FYN: variants seen among roughly 807,000 people sequenced by gnomAD.
FYN encodes FYN proto-oncogene, Src family tyrosine kinase.
Under a neutral mutation model 70.2 loss-of-function variants are expected in FYN, and 10 were observed. That is an observed-to-expected ratio of 0.14 (90% confidence interval 0.09 to 0.24). The LOEUF (loss-of-function observed/expected upper bound fraction) is 0.24. FYN is among the 10% of genes least tolerant of loss of function. The pLI is 1.00. For missense variants in FYN, 319 were observed against 673.1 expected (o/e 0.47, Z 5.82); for synonymous variants, 236 against 248.6 (o/e 0.95, Z 0.48).
At chr6:111,789,452 T>C (rs1311416481) in intron 2 of FYN, among the ~76,000 whole-genome samples, 1 of 152,198 alleles carries the variant, frequency 6.6e-6, no homozygotes, top group Non-Finnish European at 1.5e-5. Context: ...GTAGTACTGA[T>C]ATCATTTCAT....
chr6:111,662,891 C>T (rs1797820827), intron 13 of FYN, among the ~76,000 whole-genome samples: 1 of 152,150 alleles, frequency 6.6e-6, no homozygotes, highest in African/African-American at 2.4e-5. Flanking sequence ...CCAGGCCATC[C>T]ATCATTTGAG....
intron 3 of FYN, among the ~76,000 whole-genome samples, chr6:111,734,567 C>T (rs1270909175): frequency 6.6e-6 from 1 of 152,172 alleles, no homozygotes; most frequent in East Asian, 1.9e-4. Flanking sequence ...TCTTGACCCT[C>T]CTCCCTCATC....
chr6:111,684,457 C>T (rs1798907076), intron 12 of FYN, among the ~76,000 whole-genome samples: 1 of 152,254 alleles, frequency 6.6e-6, no homozygotes, highest in African/African-American at 2.4e-5. Context: ...GGGGAGTAGG[C>T]TCAGCTACCA....
At chr6:111,764,604 T>A (rs1263911624) in intron 3 of FYN, among the ~76,000 whole-genome samples, 1 of 152,194 alleles carries the variant, frequency 6.6e-6, no homozygotes, top group African/African-American at 2.4e-5. Flanking sequence ...TTTAGTAGAA[T>A]AAGAACTATT....
intron 2 of FYN, among the ~76,000 whole-genome samples, chr6:111,818,971 A>G (rs915851019): frequency 2.0e-5 from 3 of 152,168 alleles, no homozygotes; most frequent in Non-Finnish European, 4.4e-5. Flanking sequence ...AAGCTCACCA[A>G]GCTGCAAAAC....
intron 3 of FYN, among the ~76,000 whole-genome samples, chr6:111,759,664 C>T (rs1802915916): frequency 6.6e-6 from 1 of 152,190 alleles, no homozygotes; most frequent in African/African-American, 2.4e-5. Flanking sequence ...CTCACCCACT[C>T]ATTCAGCACC....
At chr6:111,734,699 C>T (rs574242293) in intron 3 of FYN, among the ~76,000 whole-genome samples, 1 of 152,204 alleles carries the variant, frequency 6.6e-6, no homozygotes, top group African/African-American at 2.4e-5. Context: ...GAAACGACCC[C>T]CCCTACCCCA....
At chr6:111,747,228 C>T (rs1163025174) in intron 3 of FYN, among the ~76,000 whole-genome samples, 4 of 152,052 alleles carry the variant, frequency 2.6e-5, no homozygotes, top group Non-Finnish European at 5.9e-5. Flanking sequence ...ATACTTGCAC[C>T]CATGAGTGTC....
intron 2 of FYN, among the ~76,000 whole-genome samples, chr6:111,789,818 A>G (rs917125954): frequency 6.6e-6 from 1 of 152,186 alleles, no homozygotes; most frequent in African/African-American, 2.4e-5. Flanking sequence ...CTTTGCTATG[A>G]TGCAAGCGCA....
chr6:111,679,310 C>G (rs1165237322), intron 12 of FYN, among the ~76,000 whole-genome samples: 1 of 152,168 alleles, frequency 6.6e-6, no homozygotes, highest in African/African-American at 2.4e-5. Flanking sequence ...TGCCAGAGCA[C>G]CTCCCTCTTT....
chr6:111,844,115 G>C (rs1407909089), intron 2 of FYN, among the ~76,000 whole-genome samples: 1 of 152,168 alleles, frequency 6.6e-6, no homozygotes, highest in Non-Finnish European at 1.5e-5. Context: ...TCCCTCACAG[G>C]ACTGCTGTCA....
intron 13 of FYN, among the ~76,000 whole-genome samples, chr6:111,664,228 TTG>T (rs1248342160): frequency 6.6e-6 from 1 of 152,092 alleles, no homozygotes; most frequent in Non-Finnish European, 1.5e-5. Flanking sequence ...GAAATCTCCC[TTG>T]TCTCTGTCCC....
At chr6:111,692,412 T>C (rs1799374349) in intron 12 of FYN, among the ~76,000 whole-genome samples, 1 of 149,568 alleles carries the variant, frequency 6.7e-6, no homozygotes, top group Admixed American at 6.6e-5. Flanking sequence ...GGCAGCAGCC[T>C]GGGACCCGCT....
At chr6:111,728,365 C>T (rs1300299528) in intron 3 of FYN, among the ~76,000 whole-genome samples, 1 of 152,134 alleles carries the variant, frequency 6.6e-6, no homozygotes, top group East Asian at 1.9e-4. Context: ...AATTCATATA[C>T]CATAAAATTC....
intron 3 of FYN, among the ~76,000 whole-genome samples, chr6:111,748,560 C>T (rs1802339710): frequency 1.3e-5 from 2 of 152,116 alleles, no homozygotes; most frequent in South Asian, 2.1e-4. Flanking sequence ...GGGTTAGGGG[C>T]CTGTGGTTTG....
chr6:111,743,060 G>A (rs952537619), intron 3 of FYN, among the ~76,000 whole-genome samples: 10 of 151,188 alleles, frequency 6.6e-5, no homozygotes, highest in East Asian at 1.9e-4. Flanking sequence ...TCTGCCTCCC[G>A]GTTTCAAGCA....
At chr6:111,867,635 G>C (rs1169074408) in intron 1 of FYN, among the ~76,000 whole-genome samples, 1 of 151,814 alleles carries the variant, frequency 6.6e-6, no homozygotes, top group Non-Finnish European at 1.5e-5. Context: ...TAATTTCCCA[G>C]AGAAATTCTT....
rs768694752 is a variant in FYN at position 111,861,852 on chromosome 6, TACAA to T, written c.-123+11112_-123+11115del. Among the ~76,000 whole-genome samples the T allele has an allele frequency of 3.3e-5, 5 of 152,338 alleles. No individual in the cohort carries two copies. In the East Asian group the frequency reaches 9.6e-4, roughly 29 times the overall value. ...TTTTCAATCATTCTTTTGAAGGATA[TACAA>T]ACAAAGGCTATAGCTGAGCTGTAGA... On this transcript the variant is annotated intron_variant, in intron 1 of 13. Coordinates refer to ENST00000354650, the MANE Select transcript of FYN (RefSeq NM_002037.5).
At chr6:111,793,785 A>G (rs1179322788) in intron 2 of FYN, 1 of 152,048 alleles carries the variant, frequency 6.6e-6, no homozygotes, top group African/African-American at 2.4e-5. Flanking sequence ...ATCATTAGCC[A>G]TGTGCTCCAC....
Sources: gnomAD v4.1 joint callset for allele counts (sites outside exome capture counted in the v4.1 genomes callset) on GRCh38, gnomAD v4.1.1 for gene constraint, MANE v1.5 for transcripts, NCBI Gene and HGNC (gene_info 2026-07-23, HGNC 2026-07-21) for gene names.